RAB11FIP4: variants seen among roughly 807,000 people sequenced by gnomAD.
RAB11FIP4 encodes the protein rab11 family-interacting protein 4.
In RAB11FIP4, 23 loss-of-function variants were observed where a neutral mutation model predicts 74.3. The observed-to-expected ratio is 0.31, with a 90% CI of 0.22 to 0.44. The LOEUF is 0.44. Ranked by LOEUF, RAB11FIP4 falls within the 20% of genes least tolerant of loss-of-function variation. The pLI, the probability that RAB11FIP4 is intolerant of heterozygous loss-of-function variation, is 1.00. For synonymous variants in RAB11FIP4, 360 were observed against 359.9 expected, an observed-to-expected ratio of 1.00 and a Z score of 0.00; for missense variants, 630 against 863.9, an observed-to-expected ratio of 0.73 and a Z score of 3.39.
chr17:31,484,913 A>G (rs556351908), intron 3 of RAB11FIP4, among the ~76,000 whole-genome samples: 16 of 152,354 alleles, frequency 1.1e-4, no homozygotes, highest in African/African-American at 3.6e-4. Context: ...GAGGAAATTG[A>G]GACACTGGGA....
intron 1 of RAB11FIP4, among the ~76,000 whole-genome samples, chr17:31,428,093 A>G (rs1037403448): frequency 1.3e-5 from 2 of 152,158 alleles, no homozygotes; most frequent in African/African-American, 4.8e-5. Context: ...GTGGAAAAGC[A>G]GGGTCAGCTG....
At chr17:31,422,245 G>C (rs1469195173) in intron 1 of RAB11FIP4, among the ~76,000 whole-genome samples, 1 of 152,186 alleles carries the variant, frequency 6.6e-6, no homozygotes, top group Non-Finnish European at 1.5e-5. Context: ...ATCTACCTTG[G>C]TGACAGTTCC....
At chr17:31,467,096 TTTC>T (rs1424271945) in intron 3 of RAB11FIP4, among the ~76,000 whole-genome samples, 2 of 133,170 alleles carry the variant, frequency 1.5e-5, no homozygotes, top group East Asian at 4.5e-4. Flanking sequence ...CTCCTGAGTA[TTTC>T]TTTCTTTTCT....
intron 3 of RAB11FIP4, among the ~76,000 whole-genome samples, chr17:31,490,030 G>T (rs899793881): frequency 2.0e-5 from 3 of 152,102 alleles, no homozygotes; most frequent in Non-Finnish European, 4.4e-5. Flanking sequence ...TAGGCAAGTG[G>T]GGGAGGAAAA....
At chr17:31,393,260 A>G (rs2070894126) in intron 1 of RAB11FIP4, among the ~76,000 whole-genome samples, 1 of 152,206 alleles carries the variant, frequency 6.6e-6, no homozygotes, top group Admixed American at 6.5e-5. Context: ...GCTGAGGGAC[A>G]CTGCCTGCTG....
chr17:31,397,306 G>A (rs138108282), intron 1 of RAB11FIP4, among the ~76,000 whole-genome samples: 1 of 152,262 alleles, frequency 6.6e-6, no homozygotes, highest in East Asian at 1.9e-4. Context: ...CAGGATTGGA[G>A]GCAGGAGGCC....
intron 3 of RAB11FIP4, among the ~76,000 whole-genome samples, chr17:31,516,767 AT>A (rs2072558615): frequency 6.6e-6 from 1 of 152,194 alleles, no homozygotes. Context: ...GTGCCTAGAG[AT>A]TTATTGAAAA....
At position 31,391,972 on chromosome 17, in the gene RAB11FIP4, C is replaced by T. The variant is rs776402383; in HGVS notation, c.120C>T (p.Arg40=). The change falls in exon 1 of 15, where the codon CGC becomes CGT. Residue 40 remains arginine (R), a synonymous_variant. Coordinates refer to ENST00000621161, the MANE Select transcript of RAB11FIP4 (RefSeq NM_032932.6). ...RDPDGFLRVE[R]VAALGLRFGQ... is the part of the protein sequence containing the mutation. ...CCGACGGCTTCCTGCGCGTGGAGCG[C>T]GTCGCGGCGCTCGGACTGCGCTTCG... 673 of 1,367,584 alleles carry T rather than the reference C, an allele frequency of 4.9e-4. 1 individual carries two copies. Among genetic ancestry groups the T allele is most frequent in the Non-Finnish European group, 6.0e-4 (630 of 1,058,444 alleles). 84.7% of individuals were successfully genotyped at this position (1,367,584 alleles called of 1,614,324 possible).
intron 4 of RAB11FIP4, among the ~76,000 whole-genome samples, chr17:31,520,211 G>C (rs11652108): frequency 0.17 from 26,259 of 151,920 alleles, 2,945 homozygotes; most frequent in Middle Eastern, 0.25. Flanking sequence ...GAGTATACAG[G>C]AGGATATGCA....
rs60955293 is a variant in RAB11FIP4 at position 31,463,803 on chromosome 17, C to CTTT, written c.336+29707_336+29709dup. 4.6e-4 allele frequency among the ~76,000 whole-genome samples: 15 copies of CTTT among 32,842 alleles called. 2 individuals carry two copies. Among genetic ancestry groups the CTTT allele is most frequent in the African/African-American group, 1.4e-3 (13 of 9,210 alleles). 21.5% of individuals were successfully genotyped at this position (32,842 alleles called of 152,430 possible). On this transcript the variant is annotated intron_variant, in intron 3 of 14. Coordinates refer to ENST00000621161, the MANE Select transcript of RAB11FIP4 (RefSeq NM_032932.6). The stretch of plus-strand genomic sequence containing the variant: ...ACAGGTGTGAGCCACTGCGCCTGGA[C>CTTT]TTTTTTTTTTTTTTTTTTTTTTTTT...
At chr17:31,528,923 C>T in intron 13 of RAB11FIP4, 145 bp downstream of exon 13, 1 of 905,288 alleles carries the variant, frequency 1.1e-6, no homozygotes, top group East Asian at 2.7e-5. Flanking sequence ...CCAGGGCTGA[C>T]TGCCCCATTT....
chr17:31,446,811 G>A (rs2071469581), intron 3 of RAB11FIP4, among the ~76,000 whole-genome samples: 1 of 152,174 alleles, frequency 6.6e-6, no homozygotes, highest in African/African-American at 2.4e-5. Context: ...AGATTGCCTG[G>A]AAGAATTGGA....
chr17:31,394,256 T>C (rs2070906096), intron 1 of RAB11FIP4, among the ~76,000 whole-genome samples: 1 of 152,252 alleles, frequency 6.6e-6, no homozygotes, highest in African/African-American at 2.4e-5. Flanking sequence ...CATGCTTATA[T>C]GTCAATTTTC....
At chr17:31,484,272 C>T (rs1236109647) in intron 3 of RAB11FIP4, among the ~76,000 whole-genome samples, 6 of 151,654 alleles carry the variant, frequency 4.0e-5, no homozygotes, top group South Asian at 2.1e-4. Context: ...GGTTTCGTCA[C>T]GTTGGCCAGG....
At chr17:31,418,576 G>A (rs995115015) in intron 1 of RAB11FIP4, among the ~76,000 whole-genome samples, 1 of 145,196 alleles carries the variant, frequency 6.9e-6, no homozygotes, top group Non-Finnish European at 1.5e-5. Flanking sequence ...TGATTCTCCC[G>A]CCTCAGCCTC....
intron 1 of RAB11FIP4, among the ~76,000 whole-genome samples, chr17:31,395,730 T>C (rs926633715): frequency 2.0e-5 from 3 of 152,208 alleles, no homozygotes; most frequent in African/African-American, 7.2e-5. Flanking sequence ...AAATGCAGTG[T>C]GGTGTCCTGG....
intron 1 of RAB11FIP4, among the ~76,000 whole-genome samples, chr17:31,405,615 C>T (rs990055753): frequency 3.9e-5 from 6 of 152,140 alleles, no homozygotes; most frequent in Non-Finnish European, 5.9e-5. Flanking sequence ...TCAGGCGATC[C>T]GCCCTCCTAG....
chr17:31,459,915 A>G (rs983172668), intron 3 of RAB11FIP4, among the ~76,000 whole-genome samples: 5 of 152,056 alleles, frequency 3.3e-5, no homozygotes, highest in African/African-American at 1.2e-4. Flanking sequence ...GGAGCCTGGG[A>G]CTGGCTCAGG....
chr17:31,521,215 TCCA>T lies in RAB11FIP4; in HGVS notation c.619_621del (p.Thr207del). 1 of 1,613,642 alleles carries T rather than the reference TCCA, an allele frequency of 6.2e-7. No homozygotes were observed. The highest frequency in any genetic ancestry group is 8.5e-7 in the Non-Finnish European group (1 of 1,179,770). On this transcript the variant is annotated inframe_deletion, in exon 5 of 15. Transcript: ENST00000621161. ...GACGACCTCAGACCTTTCTACACAC[TCCA>T]CCACCTCGCTCATCAGCAATGAGGA...
Sources: allele counts gnomAD v4.1 joint callset (sites outside exome capture counted in the v4.1 genomes callset), GRCh38; gene constraint gnomAD v4.1.1; transcripts MANE v1.5; gene names NCBI Gene and HGNC (gene_info 2026-07-23, HGNC 2026-07-21).